PCSK5: variants seen among roughly 807,000 people sequenced by gnomAD.
PCSK5 encodes the protein proprotein convertase subtilisin/kexin type 5.
PCSK5 carries 129 observed loss-of-function variants against 233.2 expected under a neutral mutation model. The ratio of observed to expected loss-of-function variants is 0.55; its 90% CI spans 0.48 to 0.64. The LOEUF (loss-of-function observed/expected upper bound fraction) is 0.64. Among genes scored for constraint, PCSK5 ranks in the 30% least tolerant of loss-of-function variants. The pLI is 0.00. For synonymous variants in PCSK5, 825 were observed against 879.2 expected, an observed-to-expected ratio of 0.94 and a Z score of 1.09; for missense variants, 2,076 against 2,430.1, an observed-to-expected ratio of 0.85 and a Z score of 3.06.
intron 24 of PCSK5, among the ~76,000 whole-genome samples, chr9:76,251,726 A>T (rs1174673049): frequency 1.3e-5 from 2 of 152,020 alleles, no homozygotes; most frequent in African/African-American, 4.8e-5. Flanking sequence ...TTTTTTAAGT[A>T]TATTACCTGA....
chr9:76,283,062 G>T (rs1827932721), intron 24 of PCSK5, among the ~76,000 whole-genome samples: 1 of 152,192 alleles, frequency 6.6e-6, no homozygotes, highest in South Asian at 2.1e-4. Flanking sequence ...CAAGAAATTG[G>T]TTCTTATGGT....
At chr9:76,069,844 G>A (rs901135767) in intron 6 of PCSK5, among the ~76,000 whole-genome samples, 2 of 151,980 alleles carry the variant, frequency 1.3e-5, no homozygotes, top group African/African-American at 4.8e-5. Flanking sequence ...TAAGAGGATG[G>A]AGTCGTTCAT....
At chr9:76,346,945 G>T (rs1478703037) in intron 35 of PCSK5, among the ~76,000 whole-genome samples, 10 of 152,136 alleles carry the variant, frequency 6.6e-5, no homozygotes, top group Admixed American at 6.5e-4. Context: ...GAGGGGTGGA[G>T]CAGGAAAACA....
chr9:76,046,429 G>A (rs192467913), intron 5 of PCSK5, among the ~76,000 whole-genome samples: 35 of 151,388 alleles, frequency 2.3e-4, no homozygotes, highest in African/African-American at 8.0e-4. Context: ...GCCCGCCTCG[G>A]CCTCCCAAAG....
At chr9:76,157,735 A>G (rs1822657375) in intron 11 of PCSK5, among the ~76,000 whole-genome samples, 1 of 149,362 alleles carries the variant, frequency 6.7e-6, no homozygotes, top group South Asian at 2.1e-4. Context: ...TGATGAAACT[A>G]GAGACATTGT....
intron 8 of PCSK5, among the ~76,000 whole-genome samples, chr9:76,105,896 C>T (rs7857513): frequency 0.037 from 5,606 of 152,216 alleles, 351 homozygotes; most frequent in African/African-American, 0.13. Flanking sequence ...ACTAAATCAG[C>T]CAGAATGCCT....
At chr9:75,982,775 C>T (rs539032185) in intron 2 of PCSK5, among the ~76,000 whole-genome samples, 41 of 125,252 alleles carry the variant, frequency 3.3e-4, no homozygotes, top group Non-Finnish European at 5.0e-4. Context: ...TTGGCCATGT[C>T]GTTCACATTA....
At chr9:76,215,568 G>A (rs1825492717) in intron 20 of PCSK5, among the ~76,000 whole-genome samples, 1 of 152,172 alleles carries the variant, frequency 6.6e-6, no homozygotes, top group Non-Finnish European at 1.5e-5. Flanking sequence ...ACTAATTCAG[G>A]AAGGTGTGGT....
At chr9:76,198,384 A>T (rs927250463) in intron 20 of PCSK5, among the ~76,000 whole-genome samples, 24 of 152,310 alleles carry the variant, frequency 1.6e-4, no homozygotes, top group Non-Finnish European at 1.2e-4. Context: ...ACATTATTTT[A>T]AAAATACAGT....
At chr9:75,961,645 A>C (rs1359733313) in intron 2 of PCSK5, among the ~76,000 whole-genome samples, 3 of 152,238 alleles carry the variant, frequency 2.0e-5, no homozygotes, top group African/African-American at 7.2e-5. Context: ...TATGAGATCT[A>C]AATGCAGATC....
chr9:76,210,174 CAGAT>C (rs1454414756), intron 20 of PCSK5, among the ~76,000 whole-genome samples: 2 of 152,184 alleles, frequency 1.3e-5, no homozygotes, highest in African/African-American at 2.4e-5. Context: ...GCAGGAGAGT[CAGAT>C]AGGGAAGGGA....
At position 76,248,045 on chromosome 9, in the gene PCSK5, A is replaced by G. The variant is rs374585079; in HGVS notation, c.3142+7361A>G. ...GTGGTCCGCCAGCCTCAGCCTCCCA[A>G]ATTGCTGGGATTACAGGCATGAGCC... On this transcript the variant is annotated intron_variant, in intron 24 of 37. Coordinates refer to ENST00000674117, the MANE Select transcript of PCSK5 (RefSeq NM_001372043.1). Among the ~76,000 whole-genome samples the G allele has an allele frequency of 2.2e-4, 33 of 152,042 alleles. 1 individual carries two copies. The South Asian group carries it at 2.5e-3, about 11-fold the overall frequency.
At chr9:75,955,566 G>A (rs900175593) in intron 2 of PCSK5, among the ~76,000 whole-genome samples, 3 of 151,808 alleles carry the variant, frequency 2.0e-5, no homozygotes, top group Non-Finnish European at 4.4e-5. Context: ...AAATTACCAC[G>A]ATAAATACTT....
rs146473155 is a variant in PCSK5 at position 76,129,997 on chromosome 9, C to T, written c.1209-4112C>T. ...GGAGAAGAGTCACGTAGCCTGGCTGCGAACCACATCCAAGTGTGGCCATGG... is the reference window on the plus strand; with the variant it reads ...GGAGAAGAGTCACGTAGCCTGGCTGTGAACCACATCCAAGTGTGGCCATGG... On this transcript the variant is annotated intron_variant, in intron 9 of 37. Coordinates refer to ENST00000674117, the MANE Select transcript of PCSK5 (RefSeq NM_001372043.1). Among the ~76,000 whole-genome samples the T allele has an allele frequency of 3.5e-4, 53 of 152,134 alleles. No individual in the cohort carries two copies. In the East Asian group the frequency reaches 9.3e-3, roughly 27 times the overall value.
chr9:75,984,459 G>A (rs1274832169), intron 2 of PCSK5, among the ~76,000 whole-genome samples: 1 of 152,154 alleles, frequency 6.6e-6, no homozygotes, highest in Non-Finnish European at 1.5e-5. Flanking sequence ...GATTAGTTTT[G>A]AAAAGAGTTG....
chr9:76,141,833 G>A (rs927547369), intron 10 of PCSK5, among the ~76,000 whole-genome samples: 12 of 152,078 alleles, frequency 7.9e-5, no homozygotes, highest in African/African-American at 2.9e-4. Flanking sequence ...TTGAGGGAAC[G>A]TGGATGGAGC....
At chr9:76,093,825 A>T (rs1383137384) in intron 7 of PCSK5, among the ~76,000 whole-genome samples, 3 of 152,080 alleles carry the variant, frequency 2.0e-5, no homozygotes, top group African/African-American at 7.2e-5. Flanking sequence ...TCCCTCTGGT[A>T]TGTTGTTGTC....
rs1587715951 is a variant in PCSK5 at position 76,173,495 on chromosome 9, C to CTTTTTTTTTTTTTTTTTTT, written c.1757-1491_1757-1490insTTTTTTTTTTTTTTTTTTT. On this transcript the variant is annotated intron_variant, in intron 13 of 37. Coordinates refer to ENST00000674117, the MANE Select transcript of PCSK5 (RefSeq NM_001372043.1). ...ACTTTAATGAAATGGAGGCACGTTT[C>CTTTTTTTTTTTTTTTTTTT]CTTTTTTTTTTTTTTTTTTTTTTTT... 1.8e-3 allele frequency among the ~76,000 whole-genome samples: 62 copies of CTTTTTTTTTTTTTTTTTTT among 34,602 alleles called. 3 individuals carry two copies. Among genetic ancestry groups the CTTTTTTTTTTTTTTTTTTT allele is most frequent in the East Asian group, 3.5e-3 (4 of 1,130 alleles). 22.7% of individuals were successfully genotyped at this position (34,602 alleles called of 152,430 possible).
At position 76,189,153 on chromosome 9, in the gene PCSK5, T is replaced by G. The variant is rs1450407592; in HGVS notation, c.2440T>G (p.Cys814Gly). Reference sequence around the variant, plus strand: ...GGGCTACTTCATGGAGGATGGGAGATGCGTGCAGAGCTGTAGTATCAGCTA... The same window carrying G: ...GGGCTACTTCATGGAGGATGGGAGAGGCGTGCAGAGCTGTAGTATCAGCTA... Reference protein sequence around the residue: ...TEGYFMEDGRCVQSCSISYYF... With the variant: ...TEGYFMEDGRGVQSCSISYYF... The change falls in exon 19 of 38, where the codon TGC becomes GGC. Residue 814 changes from cysteine to glycine, a missense_variant. Physicochemically the swap from Cys to Gly is radical, Grantham distance 159. Around this residue, in one of 6 missense-constraint regions of PCSK5, gnomAD observed 1,510 missense variants for 1,538.1 expected, o/e 0.98. Coordinates refer to ENST00000674117, the MANE Select transcript of PCSK5 (RefSeq NM_001372043.1). 1 of 1,612,384 alleles carries G rather than the reference T, an allele frequency of 6.2e-7. No homozygotes were observed. The highest frequency in any genetic ancestry group is 8.5e-7 in the Non-Finnish European group (1 of 1,178,720).
Sources: gnomAD v4.1 joint callset for allele counts (sites outside exome capture counted in the v4.1 genomes callset) on GRCh38, gnomAD v4.1.1 for gene constraint, gnomAD v4.1.1 regional missense constraint, MANE v1.5 for transcripts, NCBI Gene and HGNC (gene_info 2026-07-23, HGNC 2026-07-21) for gene names.